HSD17B12: variants seen among roughly 807,000 people sequenced by gnomAD.
HSD17B12 encodes the protein very-long-chain 3-oxoacyl-CoA reductase.
In HSD17B12, 32 loss-of-function variants were observed where a neutral mutation model predicts 39.3. That is an observed-to-expected ratio of 0.81 (90% CI 0.61 to 1.09). The LOEUF (loss-of-function observed/expected upper bound fraction) is 1.09, where lower values mean the gene tolerates loss of function less well. HSD17B12 is among the 50% of genes least tolerant of loss of function. The pLI is 0.00. For synonymous variants in HSD17B12, 150 were observed against 146.7 expected, an observed-to-expected ratio of 1.02 and a Z score of -0.16; for missense variants, 342 against 382.9, an observed-to-expected ratio of 0.89 and a Z score of 0.89.
At chr11:43,658,176 A>G in the HSD17B12 span, among the ~76,000 whole-genome samples, 7 of 152,256 alleles carry the variant, frequency 4.6e-5, no homozygotes, top group South Asian at 1.4e-3. Context: ...CCTTTCTTCC[A>G]GTTGATCACA....
the HSD17B12 span, among the ~76,000 whole-genome samples, chr11:43,601,085 TTTTATTTATTTATC>T: frequency 2.0e-5 from 3 of 151,808 alleles, no homozygotes; most frequent in East Asian, 1.9e-4. Context: ...TATTTTTATT[TTTTATTTATTTATC>T]TTTATTTATT....
chr11:43,582,899 G>A, the HSD17B12 span, among the ~76,000 whole-genome samples: 1 of 152,142 alleles, frequency 6.6e-6, no homozygotes, highest in Non-Finnish European at 1.5e-5. Flanking sequence ...AGAGTAAAAA[G>A]GTTCCTAAGA....
intron 1 of HSD17B12, chr11:43,734,501 C>T: frequency 1.6e-6 from 1 of 607,810 alleles, no homozygotes; most frequent in South Asian, 1.7e-5. Context: ...TGCATACCAG[C>T]TCTCGCTCTC....
intron 6 of HSD17B12, among the ~76,000 whole-genome samples, chr11:43,824,065 G>A (rs1163158818): frequency 2.0e-5 from 3 of 152,072 alleles, no homozygotes; most frequent in African/African-American, 7.2e-5. Context: ...AACTTCTCTT[G>A]GGAAAAATCT....
chr11:43,817,463 A>C (rs978865735), intron 6 of HSD17B12, among the ~76,000 whole-genome samples: 1 of 152,064 alleles, frequency 6.6e-6, no homozygotes, highest in Non-Finnish European at 1.5e-5. Flanking sequence ...TATCTTTTAG[A>C]ATTTTTATAG....
intron 1 of HSD17B12, among the ~76,000 whole-genome samples, chr11:43,731,857 G>A (rs1055861360): frequency 2.0e-5 from 3 of 152,226 alleles, no homozygotes; most frequent in African/African-American, 7.2e-5. Context: ...CATGGAACCC[G>A]TGTCCAAAAA....
Position 43,815,449 on chromosome 11 carries a change from G to A in HSD17B12, c.404G>A (p.Gly135Glu). 6.4e-7 allele frequency: 1 copy of A among 1,569,094 alleles called. No individual in the cohort carries two copies. The change falls in exon 5 of 11, where the codon GGA becomes GAA. Residue 135 changes from glycine (G) to glutamate (E), a missense_variant. Transcript: ENST00000278353. ...TGTTCTATTTCAGTGAACAACGTGG[G>A]AATGTCGTATGAGTATCCTGAATAC... ...LEIGILVNNV[G>E]MSYEYPEYFL...
intron 3 of HSD17B12, among the ~76,000 whole-genome samples, chr11:43,789,429 A>G (rs1338996852): frequency 2.0e-5 from 3 of 152,214 alleles, no homozygotes; most frequent in Non-Finnish European, 2.9e-5. Flanking sequence ...AGAGCAAAAA[A>G]CAGACACAGA....
At chr11:43,652,431 A>G in the HSD17B12 span, among the ~76,000 whole-genome samples, 2 of 152,198 alleles carry the variant, frequency 1.3e-5, no homozygotes, top group Non-Finnish European at 2.9e-5. Context: ...GTTCTGCAGC[A>G]GGCACCAGCT....
At chr11:43,679,856 GCTCT>G (rs1949724180), upstream of HSD17B12, among the ~76,000 whole-genome samples, 2 of 152,078 alleles carry the variant, frequency 1.3e-5, no homozygotes, top group Admixed American at 6.5e-5. Flanking sequence ...GCATTTAAGG[GCTCT>G]CTATGAGTGA....
chr11:43,786,244 C>T (rs1335654415), intron 3 of HSD17B12, among the ~76,000 whole-genome samples: 2 of 152,160 alleles, frequency 1.3e-5, no homozygotes, highest in Non-Finnish European at 2.9e-5. Flanking sequence ...GTATTAGGAA[C>T]ACAGAAAAAG....
the HSD17B12 span, among the ~76,000 whole-genome samples, chr11:43,617,019 G>A: frequency 6.6e-6 from 1 of 151,108 alleles, no homozygotes; most frequent in Non-Finnish European, 1.5e-5. Flanking sequence ...TCCGGGGTAA[G>A]TTCTGTTAAA....
At chr11:43,583,826 G>C in the HSD17B12 span, among the ~76,000 whole-genome samples, 4 of 152,152 alleles carry the variant, frequency 2.6e-5, no homozygotes, top group Non-Finnish European at 5.9e-5. Context: ...AGGAGAGGGA[G>C]CAGCACCTCA....
chr11:43,826,984 G>A (rs1951249119), intron 6 of HSD17B12, among the ~76,000 whole-genome samples: 1 of 152,120 alleles, frequency 6.6e-6, no homozygotes, highest in Non-Finnish European at 1.5e-5. Flanking sequence ...ACTTGTTTAA[G>A]GTATTTGCAT....
chr11:43,682,505 G>A (rs1030085379), intron 1 of HSD17B12, among the ~76,000 whole-genome samples: 1 of 93,642 alleles, frequency 1.1e-5, no homozygotes, highest in African/African-American at 4.2e-5. Flanking sequence ...TCATGCCACT[G>A]CACTCCATCC....
rs1259903934 is a variant in HSD17B12 at position 43,777,183 on chromosome 11, A to C, written c.284-21137A>C. ...TTGATGGGGATGGCATTGAATCTGT[A>C]AATTGCCTTGGGCAGTATGGCCATT... On this transcript the variant is annotated intron_variant, in intron 3 of 10. Coordinates refer to ENST00000278353, the MANE Select transcript of HSD17B12 (RefSeq NM_016142.3). Among the ~76,000 whole-genome samples the C allele has an allele frequency of 7.2e-3, 1,103 of 152,314 alleles. 15 individuals are homozygous for C. The highest frequency in any genetic ancestry group is 0.025 in the African/African-American group (1,035 of 41,556).
intron 5 of HSD17B12, among the ~76,000 whole-genome samples, chr11:43,815,982 A>C (rs895088474): frequency 6.6e-6 from 1 of 152,190 alleles, no homozygotes; most frequent in Admixed American, 6.6e-5. Context: ...TCATTGAAGG[A>C]CTATGTAAAA....
chr11:43,572,368 G>C, the HSD17B12 span, among the ~76,000 whole-genome samples: 2 of 152,160 alleles, frequency 1.3e-5, no homozygotes, highest in African/African-American at 2.4e-5. Context: ...GATCAGTCTC[G>C]TTATTCAGAA....
the HSD17B12 span, among the ~76,000 whole-genome samples, chr11:43,661,210 A>C: frequency 6.6e-6 from 1 of 152,234 alleles, no homozygotes; most frequent in Non-Finnish European, 1.5e-5. Context: ...GAAGCCAGAC[A>C]CAAAAAACCA....
Sources: allele counts gnomAD v4.1 joint callset (sites outside exome capture counted in the v4.1 genomes callset), GRCh38; gene constraint gnomAD v4.1.1; transcripts MANE v1.5; gene names NCBI Gene and HGNC (gene_info 2026-07-23, HGNC 2026-07-21).